TLK1: variants seen among roughly 807,000 people sequenced by gnomAD.
TLK1 encodes the protein tousled like kinase 1, also known as serine/threonine-protein kinase tousled-like 1.
TLK1 carries 24 observed loss-of-function variants against 105.3 expected under a neutral mutation model. That is an observed-to-expected ratio of 0.23 (90% CI 0.17 to 0.32). TLK1 has a LOEUF of 0.32. Ranked by LOEUF, TLK1 falls within the 10% of genes least tolerant of loss-of-function variation. TLK1 has a pLI of 1.00. For synonymous variants in TLK1, 321 were observed against 310.4 expected (o/e 1.03, Z -0.36); for missense variants, 558 against 910.5 (o/e 0.61, Z 4.98).
At chr2:171,003,179 C>T (rs1684470630) in intron 18 of TLK1, among the ~76,000 whole-genome samples, 3 of 140,630 alleles carry the variant, frequency 2.1e-5, no homozygotes. Context: ...GAGGCTGAGG[C>T]AGGAAAAGGG....
chr2:171,190,044 C>G (rs1207286723), intron 1 of TLK1, among the ~76,000 whole-genome samples: 1 of 152,212 alleles, frequency 6.6e-6, no homozygotes, highest in Non-Finnish European at 1.5e-5. Context: ...AATATGTTCA[C>G]AAGGTCATAT....
chr2:171,174,210 C>T (rs550206789), intron 1 of TLK1, among the ~76,000 whole-genome samples: 4 of 152,310 alleles, frequency 2.6e-5, no homozygotes, highest in Admixed American at 6.5e-5. Flanking sequence ...ACTGCAGCCA[C>T]ACGAAAGTTA....
intron 12 of TLK1, among the ~76,000 whole-genome samples, chr2:171,016,366 T>G (rs1010470798): frequency 6.6e-6 from 1 of 152,124 alleles, no homozygotes; most frequent in Admixed American, 6.6e-5. Context: ...ACTCCCGAGC[T>G]CAACGGATCC....
At chr2:171,141,299 G>A (rs1427101006) in intron 1 of TLK1, among the ~76,000 whole-genome samples, 1 of 152,162 alleles carries the variant, frequency 6.6e-6, no homozygotes, top group Non-Finnish European at 1.5e-5. Flanking sequence ...TTCTCCATCT[G>A]CCAATAGAGT....
At chr2:171,133,625 AAAAAG>A (rs1332081937) in intron 1 of TLK1, among the ~76,000 whole-genome samples, 1 of 152,116 alleles carries the variant, frequency 6.6e-6, no homozygotes, top group Non-Finnish European at 1.5e-5. Flanking sequence ...GCTTTTTTAA[AAAAAG>A]AAAAGGGAAT....
At chr2:171,073,380 G>C (rs1304432431) in intron 3 of TLK1, among the ~76,000 whole-genome samples, 1 of 152,112 alleles carries the variant, frequency 6.6e-6, no homozygotes, top group Non-Finnish European at 1.5e-5. Context: ...TTGTTTGCTT[G>C]CTAAATAGCT....
intron 11 of TLK1, among the ~76,000 whole-genome samples, chr2:171,042,712 T>TA (rs71399592): frequency 0.013 from 1,817 of 137,914 alleles, 18 homozygotes; most frequent in Non-Finnish European, 0.02. Context: ...AGAAACTGGT[T>TA]AAAAAAAAAA....
intron 1 of TLK1, among the ~76,000 whole-genome samples, chr2:171,120,832 T>A (rs1482972962): frequency 6.6e-6 from 1 of 152,308 alleles, no homozygotes; most frequent in Non-Finnish European, 1.5e-5. Flanking sequence ...CTCAAACAGG[T>A]ATTTGTACAA....
chr2:171,046,197 A>G lies in TLK1; in HGVS notation c.1146T>C (p.Phe382=), dbSNP rs757411766. Residue 382 remains phenylalanine (F), a synonymous_variant, in exon 11 of 21, where the codon TTT becomes TTC. Coordinates refer to ENST00000431350, the MANE Select transcript of TLK1 (RefSeq NM_012290.5). ...KAVNGAENDP[F]VRPNLPQLLT... Reference sequence around the variant, plus strand: ...ACAGTTGTGGTAAATTTGGTCTAACAAAGGGATCATTCTCTGCTCCATTGA... The same window carrying G: ...ACAGTTGTGGTAAATTTGGTCTAACGAAGGGATCATTCTCTGCTCCATTGA... The G allele has an allele frequency of 8.2e-6, 13 of 1,592,406 alleles. No homozygotes were observed. In the Admixed American group the frequency reaches 1.3e-4, roughly 16 times the overall value.
chr2:171,076,874 A>G (rs1429812876), intron 3 of TLK1, among the ~76,000 whole-genome samples: 1 of 152,006 alleles, frequency 6.6e-6, no homozygotes, highest in Non-Finnish European at 1.5e-5. Flanking sequence ...AGATGGCGCC[A>G]CTGCACTCCA....
At chr2:171,224,328 G>C (rs1693861241) in intron 1 of TLK1, among the ~76,000 whole-genome samples, 1 of 152,164 alleles carries the variant, frequency 6.6e-6, no homozygotes, top group Non-Finnish European at 1.5e-5. Context: ...GCCCTGTGCT[G>C]TTTGTGTTAC....
At chr2:171,048,185 G>C (rs1247791210) in intron 10 of TLK1, among the ~76,000 whole-genome samples, 1 of 150,498 alleles carries the variant, frequency 6.6e-6, no homozygotes, top group Non-Finnish European at 1.5e-5. Context: ...TCAACCTCAG[G>C]TGATCCTCCC....
At chr2:171,122,747 T>C (rs1690704051) in intron 1 of TLK1, among the ~76,000 whole-genome samples, 1 of 151,910 alleles carries the variant, frequency 6.6e-6, no homozygotes, top group Admixed American at 6.6e-5. Flanking sequence ...GAGTATAATA[T>C]TTTATAATAG....
chr2:171,200,942 C>T (rs1292045027), intron 1 of TLK1, among the ~76,000 whole-genome samples: 6 of 148,280 alleles, frequency 4.0e-5, no homozygotes, highest in South Asian at 2.1e-4. Flanking sequence ...AGTGCAGTGG[C>T]GCAATCTCAG....
intron 1 of TLK1, among the ~76,000 whole-genome samples, chr2:171,222,829 A>ATTTT (rs1693832533): frequency 6.6e-6 from 1 of 151,806 alleles, no homozygotes; most frequent in Non-Finnish European, 1.5e-5. Flanking sequence ...TTATTTATTT[A>ATTTT]TTTGAGATGG....
intron 1 of TLK1, among the ~76,000 whole-genome samples, chr2:171,139,866 C>T (rs1336407463): frequency 6.6e-6 from 1 of 152,128 alleles, no homozygotes; most frequent in Admixed American, 6.5e-5. Flanking sequence ...GAAACTGTTA[C>T]ACCTCAAATC....
Position 170,993,725 on chromosome 2 carries a change from T to G in TLK1, c.*55A>C, listed in dbSNP as rs1279779183. 3.2e-6 allele frequency: 4 copies of G among 1,256,144 alleles called. No homozygotes were observed. Among genetic ancestry groups the G allele is most frequent in the Middle Eastern group, 2.3e-4 (1 of 4,352 alleles). 77.8% of individuals were successfully genotyped at this position (1,256,144 alleles called of 1,614,324 possible). On this transcript the variant is annotated 3_prime_UTR_variant, in exon 21 of 21. Coordinates refer to ENST00000431350, the MANE Select transcript of TLK1 (RefSeq NM_012290.5). ...AACAAACACTCAAATGCTCTCAAACTTAAGTGTGCATCTGGAAGCAAATTC... is the reference window on the plus strand; with the variant it reads ...AACAAACACTCAAATGCTCTCAAACGTAAGTGTGCATCTGGAAGCAAATTC...
chr2:171,212,047 T>C (rs999350949), intron 1 of TLK1, among the ~76,000 whole-genome samples: 3 of 151,206 alleles, frequency 2.0e-5, no homozygotes, highest in Non-Finnish European at 4.4e-5. Context: ...GGTTTCACCA[T>C]TTTGGCCAGG....
intron 3 of TLK1, among the ~76,000 whole-genome samples, chr2:171,068,034 G>C (rs1688089899): frequency 1.3e-5 from 2 of 151,876 alleles, no homozygotes; most frequent in Admixed American, 6.6e-5. Flanking sequence ...TTTTTCCTGA[G>C]ACATGGGATC....
Sources: allele counts gnomAD v4.1 joint callset (sites outside exome capture counted in the v4.1 genomes callset), GRCh38; gene constraint gnomAD v4.1.1; transcripts MANE v1.5; gene names NCBI Gene and HGNC (gene_info 2026-07-23, HGNC 2026-07-21).